The following FRYL variants were observed in gnomAD, a reference collection of about 807,000 sequenced individuals.
FRYL encodes the protein FRY like transcription coactivator.
Under a neutral mutation model 351.2 loss-of-function variants are expected in FRYL, and 150 were observed. That is an observed-to-expected ratio of 0.43 (90% CI 0.37 to 0.49). FRYL has a LOEUF of 0.49. Ranked by LOEUF, FRYL falls within the 20% of genes least tolerant of loss-of-function variation. FRYL has a pLI of 0.00. For synonymous variants in FRYL, 1,153 were observed against 1,257.1 expected, an observed-to-expected ratio of 0.92 and a Z score of 1.75; for missense variants, 3,036 against 3,619.3, an observed-to-expected ratio of 0.84 and a Z score of 4.13.
chr4:48,515,088 G>C lies in FRYL; in HGVS notation c.7877C>G (p.Ala2626Gly). The change falls in exon 56 of 64, where the codon GCT (alanine) becomes GGT (glycine). Residue 2626 changes from alanine (A) to glycine (G), a missense_variant. Transcript: ENST00000358350. The stretch of plus-strand genomic sequence containing the variant: ...ACATCTTTCATCTAGCTCTTTCAGA[G>C]CTAAGGTAACATCCTCTTCACAGAC... ...ESVCEEDVTL[A>G]LKELDERCEE... 1 of 1,613,844 alleles carries C rather than the reference G, an allele frequency of 6.2e-7. No homozygotes were observed. Among genetic ancestry groups the C allele is most frequent in the Non-Finnish European group, 8.5e-7 (1 of 1,179,806 alleles).
At chr4:48,687,492 C>CGGGGGGGGGGGGGAGGGGGGGGGGGGG (rs1765256219) in intron 2 of FRYL, among the ~76,000 whole-genome samples, 1 of 46,566 alleles carries the variant, frequency 2.1e-5, no homozygotes. Flanking sequence ...CAAATGAGGT[C>CGGGGGGGGGGGGGAGGGGGGGGGGGGG]GGGGGGGGGG....
At chr4:48,719,008 G>T (rs369520595) in intron 1 of FRYL, among the ~76,000 whole-genome samples, 40 of 151,622 alleles carry the variant, frequency 2.6e-4, no homozygotes, top group African/African-American at 6.5e-4. Flanking sequence ...GACTGCAAAA[G>T]AATTCCGAGT....
intron 28 of FRYL, among the ~76,000 whole-genome samples, chr4:48,566,484 A>G (rs1736817568): frequency 6.6e-6 from 1 of 152,196 alleles, no homozygotes; most frequent in African/African-American, 2.4e-5. Flanking sequence ...GAAAATTTCG[A>G]AAAAAATATG....
rs531680173 is a variant in FRYL at position 48,690,718 on chromosome 4, T to C, written c.-203-5923A>G. 3.3e-4 allele frequency among the ~76,000 whole-genome samples: 50 copies of C among 152,324 alleles called. No homozygotes were observed. The South Asian group carries it at 3.5e-3, about 11-fold the overall frequency. On this transcript the variant is annotated intron_variant, in intron 2 of 63. Coordinates refer to ENST00000358350, the MANE Select transcript of FRYL (RefSeq NM_015030.2). Reference sequence around the variant, plus strand: ...TTTCTAGGGTCATCTGTAATCAATGTGTTAACCTTTTATATGTATAGTTTT... The same window carrying C: ...TTTCTAGGGTCATCTGTAATCAATGCGTTAACCTTTTATATGTATAGTTTT...
In FRYL at chr4:48,549,742, T is replaced by C. The variant is rs1578065973; in HGVS notation, c.4634-119A>G. 1 of 748,206 alleles carries C rather than the reference T, an allele frequency of 1.3e-6. No homozygotes were observed. Among genetic ancestry groups the C allele is most frequent in the East Asian group, 2.9e-5 (1 of 34,370 alleles). 46.3% of individuals were successfully genotyped at this position (748,206 alleles called of 1,614,324 possible). On this transcript the variant is annotated intron_variant, in intron 38 of 63. Coordinates refer to ENST00000358350, the MANE Select transcript of FRYL (RefSeq NM_015030.2). This position sits in a 1 kb window ranked among gnomAD's most constrained non-coding sequence, Gnocchi z 4.2. ...GAAAGTGATAAAAAAAATTTCCCAC[T>C]ATTTCAACATGTTTGCTAGGAAAAT...
At chr4:48,609,334 TG>T (rs1057376896) in intron 8 of FRYL, among the ~76,000 whole-genome samples, 3 of 152,094 alleles carry the variant, frequency 2.0e-5, no homozygotes, top group African/African-American at 7.2e-5. Context: ...TTAAAAGAAA[TG>T]GGGGCTGGGT....
At chr4:48,624,212 C>T (rs1292780696) in intron 4 of FRYL, among the ~76,000 whole-genome samples, 3 of 152,150 alleles carry the variant, frequency 2.0e-5, no homozygotes, top group Non-Finnish European at 4.4e-5. Context: ...CAGCACAGAA[C>T]AATCTCTCCT....
At chr4:48,629,226 A>G (rs1006032298) in intron 4 of FRYL, among the ~76,000 whole-genome samples, 1 of 152,168 alleles carries the variant, frequency 6.6e-6, no homozygotes, top group African/African-American at 2.4e-5. Context: ...TGAAACCGTA[A>G]CAATGACACT....
At chr4:48,594,176 GA>G (rs1744114917) in intron 15 of FRYL, among the ~76,000 whole-genome samples, 160 bp from the exon 16 acceptor site, 1 of 121,568 alleles carries the variant, frequency 8.2e-6, no homozygotes, top group Non-Finnish European at 1.9e-5. Context: ...CAAAATACAT[GA>G]TTATAAGTAT....
At chr4:48,719,805 C>T (rs1318950720) in intron 1 of FRYL, among the ~76,000 whole-genome samples, 2 of 151,546 alleles carry the variant, frequency 1.3e-5, no homozygotes, top group Non-Finnish European at 2.9e-5. Flanking sequence ...CTGATATCTA[C>T]CAAAATGGGA....
chr4:48,720,517 T>C (rs1560313205), intron 1 of FRYL, among the ~76,000 whole-genome samples: 1 of 151,756 alleles, frequency 6.6e-6, no homozygotes, highest in Non-Finnish European at 1.5e-5. Flanking sequence ...AATAAATAAA[T>C]AAATAAAATT....
chr4:48,657,557 A>G (rs1759510347), intron 3 of FRYL, among the ~76,000 whole-genome samples: 1 of 151,952 alleles, frequency 6.6e-6, no homozygotes, highest in South Asian at 2.1e-4. Flanking sequence ...AGCAATGCCA[A>G]TTTTCGATTG....
At chr4:48,701,706 T>TA (rs1189532306) in intron 2 of FRYL, among the ~76,000 whole-genome samples, 1 of 152,178 alleles carries the variant, frequency 6.6e-6, no homozygotes, top group Non-Finnish European at 1.5e-5. Flanking sequence ...TCTAGAAAGA[T>TA]ACACGCTAAG....
Position 48,735,931 on chromosome 4 carries a change from C to G in FRYL, c.-383-25233G>C, listed in dbSNP as rs551354700. ...GCACATGTATACATATGTAACTAAC[C>G]TGCACAATGTGCACATGTACCCTAA... On this transcript the variant is annotated intron_variant, in intron 1 of 63. Transcript: ENST00000358350. Among the ~76,000 whole-genome samples, 65 of 114,426 alleles carry G rather than the reference C, an allele frequency of 5.7e-4. 1 individual carries two copies. In the South Asian group the frequency reaches 0.02, roughly 34 times the overall value. 75.1% of individuals were successfully genotyped at this position (114,426 alleles called of 152,430 possible).
intron 35 of FRYL, among the ~76,000 whole-genome samples, chr4:48,555,448 A>AT (rs1733862510): frequency 6.6e-6 from 1 of 152,198 alleles, no homozygotes. Flanking sequence ...GGGAAAGGAA[A>AT]TGGAGTGTGT....
At chr4:48,616,759 T>C (rs1219697039) in intron 7 of FRYL, among the ~76,000 whole-genome samples, 1 of 152,238 alleles carries the variant, frequency 6.6e-6, no homozygotes, top group Non-Finnish European at 1.5e-5. Context: ...GAAACAACCA[T>C]TTATCAACAC....
chr4:48,553,640 C>T (rs141537615), intron 35 of FRYL, among the ~76,000 whole-genome samples: 234 of 142,450 alleles, frequency 1.6e-3, no homozygotes, highest in African/African-American at 5.9e-3. Context: ...ACTTTATGCA[C>T]TTTCTTTACT....
chr4:48,753,248 C>T (rs971788040), intron 1 of FRYL, among the ~76,000 whole-genome samples: 1 of 151,814 alleles, frequency 6.6e-6, no homozygotes, highest in African/African-American at 2.4e-5. Flanking sequence ...AATTTAGGCT[C>T]AATATAAAAA....
At chr4:48,710,050 C>T (rs1444772127) in intron 2 of FRYL, among the ~76,000 whole-genome samples, 1 of 152,122 alleles carries the variant, frequency 6.6e-6, no homozygotes, top group African/African-American at 2.4e-5. Context: ...GGCTAACTGA[C>T]ATCTATGCTT....
Sources: allele counts gnomAD v4.1 joint callset (sites outside exome capture counted in the v4.1 genomes callset), GRCh38; gene constraint gnomAD v4.1.1; non-coding constraint Gnocchi (gnomAD v3.1); transcripts MANE v1.5; gene names NCBI Gene and HGNC (gene_info 2026-07-23, HGNC 2026-07-21).